SAMD3: variants seen among roughly 807,000 people sequenced by gnomAD.
SAMD3 encodes the protein sterile alpha motif domain containing 3.
SAMD3 carries 63 observed loss-of-function variants against 58.5 expected under a neutral mutation model. That is an observed-to-expected ratio of 1.08 (90% confidence interval 0.88 to 1.33). The LOEUF is 1.33. SAMD3 is among the 40% of genes most tolerant of loss of function. SAMD3 has a pLI of 0.00. For synonymous variants in SAMD3, 220 were observed against 210.3 expected, an observed-to-expected ratio of 1.05 and a Z score of -0.40; for missense variants, 604 against 608.4, an observed-to-expected ratio of 0.99 and a Z score of 0.08.
chr6:130,365,712 C>G (rs540417671), upstream of SAMD3: 92 of 985,480 alleles, frequency 9.3e-5, no homozygotes, highest in African/African-American at 1.5e-3. Flanking sequence ...GGGAAGAGCG[C>G]CTGCAAGCGG....
At chr6:130,143,858 G>A (rs112133339), downstream of SAMD3, 44 of 152,592 alleles carry the variant, frequency 2.9e-4, no homozygotes, top group African/African-American at 9.1e-4. Context: ...ACTCTGGGCA[G>A]TAGCCAGTTG....
chr6:130,332,783 TC>T (rs1203785503), intron 1 of SAMD3, among the ~76,000 whole-genome samples: 4 of 152,116 alleles, frequency 2.6e-5, no homozygotes, highest in Non-Finnish European at 5.9e-5. Flanking sequence ...GAACCCTAGG[TC>T]CCGAGAGGCT....
intron 2 of SAMD3, among the ~76,000 whole-genome samples, chr6:130,254,594 G>A (rs919247332): frequency 5.3e-5 from 8 of 152,182 alleles, no homozygotes; most frequent in African/African-American, 1.9e-4. Flanking sequence ...CTCCCCAAGT[G>A]CTGGGATTAC....
intron 2 of SAMD3, among the ~76,000 whole-genome samples, chr6:130,310,093 T>C (rs772375498): frequency 2.0e-5 from 3 of 152,222 alleles, no homozygotes; most frequent in Non-Finnish European, 4.4e-5. Context: ...AAGAATCGTG[T>C]ACACTCATGG....
chr6:130,145,571 C>A (rs1788547753), intron 10 of SAMD3, 149 bp from the exon 11 acceptor site: 1 of 543,370 alleles, frequency 1.8e-6, no homozygotes, highest in African/African-American at 1.9e-5. Context: ...CTTTTTAAAC[C>A]ATACCCTCTT....
At chr6:130,351,091 A>T (rs903061136) in intron 1 of SAMD3, among the ~76,000 whole-genome samples, 11 of 152,220 alleles carry the variant, frequency 7.2e-5, no homozygotes, top group Admixed American at 7.2e-4. Context: ...TGGATTAAAG[A>T]CTTACAGGTT....
chr6:130,299,771 G>A (rs1775684586), intron 2 of SAMD3, among the ~76,000 whole-genome samples: 1 of 152,090 alleles, frequency 6.6e-6, no homozygotes, highest in South Asian at 2.1e-4. Flanking sequence ...GACAGAGGTA[G>A]CACTAGCATT....
chr6:130,166,306 A>G (rs1790734873), intron 8 of SAMD3, among the ~76,000 whole-genome samples: 1 of 152,298 alleles, frequency 6.6e-6, no homozygotes, highest in East Asian at 1.9e-4. Context: ...CTGGGCAACA[A>G]AAAATGTCTC....
intron 1 of SAMD3, among the ~76,000 whole-genome samples, chr6:130,353,700 C>T (rs1417846064): frequency 6.6e-6 from 1 of 151,976 alleles, no homozygotes; most frequent in Non-Finnish European, 1.5e-5. Context: ...AGCAAAGGGA[C>T]AAAGGGAAGA....
chr6:130,313,610 A>G (rs150146871), intron 1 of SAMD3, among the ~76,000 whole-genome samples: 24 of 152,284 alleles, frequency 1.6e-4, no homozygotes, highest in African/African-American at 5.1e-4. Context: ...CCTTTCACCA[A>G]TGCCACCCCA....
At chr6:130,210,380 CCT>C (rs2114827972) in intron 4 of SAMD3, among the ~76,000 whole-genome samples, 1 of 151,900 alleles carries the variant, frequency 6.6e-6, no homozygotes, top group East Asian at 1.9e-4. Flanking sequence ...AGGTGGATCA[CCT>C]GAGGTCAGGA....
At position 130,144,604 on chromosome 6, in the gene SAMD3, C is replaced by T. The variant is rs201261473; in HGVS notation, c.1479G>A (p.Thr493=). 41 of 1,614,046 alleles carry T rather than the reference C, an allele frequency of 2.5e-5. No homozygotes were observed. In the East Asian group the frequency reaches 6.7e-4, roughly 26 times the overall value. The change falls in exon 12 of 12, where the codon ACG becomes ACA. Residue 493 remains threonine, a synonymous_variant. Coordinates refer to ENST00000439090, the MANE Select transcript of SAMD3 (RefSeq NM_001017373.4). ...AAGGACTGTGCATATCGAAAATCAG[C>T]GTTTCTAGGAAGTTGAAAGTTTGGG... ...RLSQTFNFLE[T]LIFDMHSPYF... is the part of the protein sequence containing the mutation.
chr6:130,220,903 G>T (rs984619080), intron 1 of SAMD3, among the ~76,000 whole-genome samples: 1 of 152,052 alleles, frequency 6.6e-6, no homozygotes, highest in Admixed American at 6.5e-5. Flanking sequence ...GCCCAGGCTG[G>T]AGTGCAGTGG....
chr6:130,246,548 G>A (rs926398454), intron 2 of SAMD3, among the ~76,000 whole-genome samples: 1 of 151,656 alleles, frequency 6.6e-6, no homozygotes, highest in African/African-American at 2.4e-5. Flanking sequence ...TGTACTAAAT[G>A]GGTAATTATG....
intron 8 of SAMD3, chr6:130,162,224 T>C: frequency 1.4e-6 from 1 of 701,040 alleles, no homozygotes; most frequent in Non-Finnish European, 2.6e-6. Context: ...CTCACAGAGT[T>C]GGTTGTAATA....
Position 130,162,387 on chromosome 6 carries a change from A to G in SAMD3, c.823-7362T>C, listed in dbSNP as rs147167760. On this transcript the variant is annotated intron_variant, in intron 8 of 11. Transcript: ENST00000439090. The stretch of plus-strand genomic sequence containing the variant: ...TTAAAAATGTAGTTATAGCTTTTTT[A>G]TCTCCCAGAAATGAATAAAAACTCA... 212 of 636,606 alleles carry G rather than the reference A, an allele frequency of 3.3e-4. 3 individuals carry two copies. The East Asian group carries it at 4.1e-3, about 12-fold the overall frequency. 39.4% of individuals were successfully genotyped at this position (636,606 alleles called of 1,614,324 possible). A position where few individuals can be genotyped will look rare whatever the true frequency, so the allele number is the denominator to read the frequency against.
chr6:130,341,574 G>A lies in SAMD3; in HGVS notation c.-304+23546C>T, dbSNP rs115954257. Among the ~76,000 whole-genome samples the A allele has an allele frequency of 7.7e-3, 1,180 of 152,302 alleles. 15 individuals are homozygous for A. Among genetic ancestry groups the A allele is most frequent in the African/African-American group, 0.023 (955 of 41,572 alleles). ...AAAGAAAATACTCTGAGTCAGTAAA[G>A]TTCACGGCACATGCAAGGGTGTGTT... On this transcript the variant is annotated intron_variant, in intron 1 of 13. Transcript: ENST00000368134.
intron 1 of SAMD3, among the ~76,000 whole-genome samples, chr6:130,346,045 G>A (rs760479216): frequency 1.3e-5 from 2 of 152,244 alleles, no homozygotes; most frequent in Non-Finnish European, 2.9e-5. Context: ...AGCCATGGAA[G>A]TTTTCAGAAA....
intron 1 of SAMD3, among the ~76,000 whole-genome samples, chr6:130,354,916 G>A (rs1444817418): frequency 6.6e-6 from 1 of 152,062 alleles, no homozygotes; most frequent in Non-Finnish European, 1.5e-5. Flanking sequence ...TTTTAAACCA[G>A]TGCTAAACTA....
Sources: gnomAD v4.1 joint callset for allele counts (sites outside exome capture counted in the v4.1 genomes callset) on GRCh38, gnomAD v4.1.1 for gene constraint, MANE v1.5 for transcripts, NCBI Gene and HGNC (gene_info 2026-07-23, HGNC 2026-07-21) for gene names.